Variants in MCM3AP observed in about 807,000 individuals in gnomAD.
MCM3AP encodes minichromosome maintenance complex component 3 associated protein, also known as germinal-center associated nuclear protein.
In MCM3AP, 126 loss-of-function variants were observed where a neutral mutation model predicts 184.1. That is an observed-to-expected ratio of 0.68 (90% CI 0.59 to 0.79). MCM3AP has a LOEUF of 0.79. Ranked by LOEUF, MCM3AP falls within the 30% of genes least tolerant of loss-of-function variation. The pLI, the probability that MCM3AP is intolerant of heterozygous loss-of-function variation, is 0.00. For synonymous variants in MCM3AP, 1,002 were observed against 979.3 expected (o/e 1.02, Z -0.43); for missense variants, 2,496 against 2,479.2 (o/e 1.01, Z -0.14).
At position 46,285,187 on chromosome 21, in the gene MCM3AP, C is replaced by G. The variant is rs748503550; in HGVS notation, c.100G>C (p.Gly34Arg). 6.2e-7 allele frequency: 1 copy of G among 1,614,174 alleles called. No individual in the cohort carries two copies. Among genetic ancestry groups the G allele is most frequent in the Admixed American group, 1.7e-5 (1 of 60,020 alleles). Residue 34 changes from glycine (G) to arginine (R), a missense_variant, in exon 1 of 28, where the codon GGT becomes CGT. Gly to Arg is a moderately radical substitution (Grantham distance 125). Transcript: ENST00000291688. ...TLPSKPPFRF[G>R]QPSLFGQNST... Reference sequence around the variant, plus strand: ...TTTTGTCCAAAAAGAGAAGGTTGACCAAATCGAAATGGCGGCTTAGATGGA... The same window carrying G: ...TTTTGTCCAAAAAGAGAAGGTTGACGAAATCGAAATGGCGGCTTAGATGGA...
chr21:46,236,759 A>C (rs1601471969), intron 27 of MCM3AP, 70 bp downstream of exon 27: 1 of 1,049,482 alleles, frequency 9.5e-7, no homozygotes, highest in Non-Finnish European at 1.4e-6. Context: ...TCGTGATATT[A>C]CTTTTTTCCC....
At chr21:46,238,790 T>C (rs1167172539) in intron 26 of MCM3AP, among the ~76,000 whole-genome samples, 1 of 152,164 alleles carries the variant, frequency 6.6e-6, no homozygotes, top group Non-Finnish European at 1.5e-5. Flanking sequence ...CATTCACCCT[T>C]CCAAAACATA....
chr21:46,271,980 A>C lies in MCM3AP; in HGVS notation c.2465+581T>G, dbSNP rs2081186500. Among the ~76,000 whole-genome samples the C allele has an allele frequency of 2.0e-5, 3 of 151,984 alleles. No individual in the cohort carries two copies. The South Asian group carries it at 6.2e-4, about 32-fold the overall frequency. ...TTCACCATTGATAGGGGATTCTTAG[A>C]ACTAAAGGGGACACTGTCCACCATA... On this transcript the variant is annotated intron_variant, in intron 8 of 27. Coordinates refer to ENST00000291688, the MANE Select transcript of MCM3AP (RefSeq NM_003906.5).
Position 46,285,178 on chromosome 21 carries a change from A to C in MCM3AP, c.109T>G (p.Ser37Ala). The change falls in exon 1 of 28, where the codon TCT (serine) becomes GCT (alanine). Residue 37 changes from serine (S) to alanine (A), a missense_variant. Transcript: ENST00000291688. ...AAGGTACTGTTTTGTCCAAAAAGAGAAGGTTGACCAAATCGAAATGGCGGC... is the reference window on the plus strand; with the variant it reads ...AAGGTACTGTTTTGTCCAAAAAGAGCAGGTTGACCAAATCGAAATGGCGGC... ...SKPPFRFGQP[S>A]LFGQNSTLSG... The C allele has an allele frequency of 6.2e-7, 1 of 1,607,144 alleles. No homozygotes were observed. Among genetic ancestry groups the C allele is most frequent in the Non-Finnish European group, 8.5e-7 (1 of 1,179,060 alleles).
intron 25 of MCM3AP, chr21:46,241,810 T>C (rs1390061851): frequency 2.0e-5 from 3 of 152,226 alleles, no homozygotes; most frequent in Non-Finnish European, 4.4e-5. Flanking sequence ...AGAACTCATA[T>C]GTTAATGAGA....
chr21:46,264,193 G>T lies in MCM3AP; in HGVS notation c.3259C>A (p.Leu1087Ile). Residue 1087 changes from leucine (L) to isoleucine (I), a missense_variant, in exon 13 of 28, where the codon CTC becomes ATC. Around this residue, in one of 5 missense-constraint regions of MCM3AP, gnomAD observed 1,323 missense variants for 1,273.4 expected, o/e 1.04. Transcript: ENST00000291688. ...DEDLAQVVDE[L>I]IQEALQRDCE... ...TCCCTCTGCAGGGCCTCCTGGATGA[G>T]CTCGTCCACCACCTGCGCCAGGTCC... is the stretch of plus-strand genomic sequence containing the variant. 3.1e-6 allele frequency: 5 copies of T among 1,613,286 alleles called. No homozygotes were observed. The highest frequency in any genetic ancestry group is 4.2e-6 in the Non-Finnish European group (5 of 1,179,754).
intron 25 of MCM3AP, 59 bp downstream of exon 25, chr21:46,242,743 A>C (rs2080689657): frequency 6.5e-7 from 1 of 1,547,528 alleles, no homozygotes; most frequent in East Asian, 2.3e-5. Flanking sequence ...ATTTCTATTT[A>C]CTTTGCAAGA....
chr21:46,269,884 G>A (rs2081158959), intron 9 of MCM3AP, among the ~76,000 whole-genome samples: 2 of 152,146 alleles, frequency 1.3e-5, no homozygotes, highest in South Asian at 2.1e-4. Context: ...CAAAATAACC[G>A]ACTGGAAACC....
At chr21:46,270,016 A>G (rs945238341) in intron 9 of MCM3AP, among the ~76,000 whole-genome samples, 1 of 152,244 alleles carries the variant, frequency 6.6e-6, no homozygotes, top group African/African-American at 2.4e-5. Flanking sequence ...ACTTAGCGCC[A>G]TCAGCCTCAC....
intron 1 of MCM3AP, 34 bp downstream of exon 1, chr21:46,284,034 G>A (rs375285261): frequency 1.8e-5 from 28 of 1,587,420 alleles, no homozygotes; most frequent in Non-Finnish European, 2.2e-5. Context: ...CTGCCTGCAG[G>A]ATTTACTCTA....
intron 13 of MCM3AP, among the ~76,000 whole-genome samples, chr21:46,262,473 C>T (rs2081052523): frequency 6.6e-6 from 1 of 151,942 alleles, no homozygotes; most frequent in South Asian, 2.1e-4. Context: ...CATAGAGAGA[C>T]CCCATCTCTA....
Position 46,251,621 on chromosome 21 carries a change from ATG to A in MCM3AP, c.4196_4197del (p.Thr1399IlefsTer17). On this transcript the variant is annotated frameshift_variant, in exon 20 of 28. Coordinates refer to ENST00000291688, the MANE Select transcript of MCM3AP (RefSeq NM_003906.5). LOFTEE classifies it high-confidence loss of function. ...FMGDEGSVDD[T>X]SSDAGGIQTL... is the part of the protein sequence containing the mutation. ...GTCTGAATCCCACCAGCATCGCTGG[ATG>A]TGTCATCCACTGAGCCTTCATCTCC... 6.2e-7 allele frequency: 1 copy of A among 1,609,480 alleles called. No individual in the cohort carries two copies. Among genetic ancestry groups the A allele is most frequent in the Non-Finnish European group, 8.5e-7 (1 of 1,175,798 alleles).
At chr21:46,260,305 G>C (rs1323250558) in intron 15 of MCM3AP, among the ~76,000 whole-genome samples, 1 of 152,134 alleles carries the variant, frequency 6.6e-6, no homozygotes, top group Non-Finnish European at 1.5e-5. Context: ...TAGAGACAGG[G>C]TCTCACTATG....
intron 22 of MCM3AP, among the ~76,000 whole-genome samples, chr21:46,245,917 A>G (rs550540912): frequency 6.6e-6 from 1 of 152,368 alleles, no homozygotes; most frequent in South Asian, 2.1e-4. Flanking sequence ...ACATGTTCAT[A>G]TTTTAAATTC....
chr21:46,277,629 C>G lies in MCM3AP; in HGVS notation c.1756G>C (p.Gly586Arg). The change falls in exon 5 of 28, where the codon GGG (glycine) becomes CGG (arginine). Residue 586 changes from glycine (G) to arginine (R), a missense_variant. Physicochemically the swap from Gly to Arg is moderately radical, Grantham distance 125. Around this residue, in one of 5 missense-constraint regions of MCM3AP, gnomAD observed 800 missense variants for 717.1 expected, o/e 1.12. Coordinates refer to ENST00000291688, the MANE Select transcript of MCM3AP (RefSeq NM_003906.5). The stretch of plus-strand genomic sequence containing the variant: ...GTACTGAGGGAGAGCACACATGGCC[C>G]GAGGCCCTCGGAGCCCTCGGAGGCT... ...DSASEGSEGL[G>R]PCVLSLSTLI... 1 of 1,612,162 alleles carries G rather than the reference C, an allele frequency of 6.2e-7. No homozygotes were observed. Among genetic ancestry groups the G allele is most frequent in the Non-Finnish European group, 8.5e-7 (1 of 1,179,156 alleles).
At chr21:46,279,521 T>C (rs570492615) in intron 4 of MCM3AP, among the ~76,000 whole-genome samples, 53 of 152,360 alleles carry the variant, frequency 3.5e-4, no homozygotes, top group African/African-American at 1.2e-3. Flanking sequence ...GGACAGAAGT[T>C]CTGCTGTCCT....
chr21:46,260,821 C>A lies in MCM3AP; in HGVS notation c.3553G>T (p.Val1185Leu). ...ELMERVMMEF[V>L]RETCSQELKN... is the part of the protein sequence containing the mutation. ...AACTCCTGGGAGCAGGTTTCCCTCA[C>A]AAACTCCATCATCACGCGTTCCATC... is the stretch of plus-strand genomic sequence containing the variant. Residue 1185 changes from valine (V) to leucine (L), a missense_variant, in exon 15 of 28, where the codon GTG (valine) becomes TTG (leucine). Val to Leu is a conservative substitution (Grantham distance 32, BLOSUM62 1). This residue lies in a region of MCM3AP where 1,323 missense variants were observed against 1,273.4 expected (regional missense o/e 1.04). Coordinates refer to ENST00000291688, the MANE Select transcript of MCM3AP (RefSeq NM_003906.5). 6.2e-7 allele frequency: 1 copy of A among 1,614,152 alleles called. No individual in the cohort carries two copies. Among genetic ancestry groups the A allele is most frequent in the Non-Finnish European group, 8.5e-7 (1 of 1,179,980 alleles).
rs181013462 is a variant in MCM3AP at position 46,253,687 on chromosome 21, C to T, written c.4136+705G>A. On this transcript the variant is annotated intron_variant, in intron 19 of 27. Coordinates refer to ENST00000291688, the MANE Select transcript of MCM3AP (RefSeq NM_003906.5). ...AGATGTGGTTGTGTGACAACTCCCC[C>T]TCACTGTTCTCATGATAGTGAGCTC... 5.3e-5 allele frequency: 8 copies of T among 152,242 alleles called. No homozygotes were observed. The East Asian group carries it at 1.5e-3, about 29-fold the overall frequency. 9.4% of individuals were successfully genotyped at this position (152,242 alleles called of 1,614,324 possible). A position where few individuals can be genotyped will look rare whatever the true frequency, so the allele number is the denominator to read the frequency against.
In MCM3AP at chr21:46,280,591, C is replaced by A; in HGVS notation, c.1444-16G>T. On this transcript the variant is annotated splice_polypyrimidine_tract_variant and intron_variant, in intron 2 of 27. Transcript: ENST00000291688. Reference sequence around the variant, plus strand: ...CTGCAGATGCCTGGAAAACAGTCCACAACCGCCATGTGTGAGTATATCAGG... The same window carrying A: ...CTGCAGATGCCTGGAAAACAGTCCAAAACCGCCATGTGTGAGTATATCAGG... The A allele has an allele frequency of 6.3e-7, 1 of 1,578,368 alleles. No homozygotes were observed. The highest frequency in any genetic ancestry group is 1.4e-5 in the African/African-American group (1 of 74,062).
Sources: allele counts gnomAD v4.1 joint callset (sites outside exome capture counted in the v4.1 genomes callset), GRCh38; gene constraint gnomAD v4.1.1; regional missense constraint gnomAD v4.1.1; transcripts MANE v1.5; gene names NCBI Gene and HGNC (gene_info 2026-07-23, HGNC 2026-07-21).